The following CMIP variants were observed in gnomAD, a reference collection of about 807,000 sequenced individuals.
The protein encoded by CMIP is c-Maf inducing protein.
A neutral mutation model predicts 97.3 loss-of-function variants in CMIP; 13 were observed. The observed-to-expected ratio is 0.13, with a 90% CI of 0.09 to 0.21. The LOEUF (loss-of-function observed/expected upper bound fraction) is 0.21, where lower values mean the gene tolerates loss of function less well. CMIP is among the 10% of genes least tolerant of loss of function. The pLI is 1.00. For missense variants in CMIP, 847 were observed against 1,024.9 expected (o/e 0.83, Z 2.37); for synonymous variants, 538 against 436.3 (o/e 1.23, Z -2.91).
At chr16:81,525,039 G>T (rs533424066) in intron 1 of CMIP, among the ~76,000 whole-genome samples, 1 of 151,942 alleles carries the variant, frequency 6.6e-6, no homozygotes, top group Non-Finnish European at 1.5e-5. Context: ...CAAGTGATCC[G>T]CCCACCTCGG....
chr16:81,668,618 G>C (rs1365976007), intron 7 of CMIP, among the ~76,000 whole-genome samples: 1 of 152,116 alleles, frequency 6.6e-6, no homozygotes, highest in Non-Finnish European at 1.5e-5. Context: ...CTTTAGTTCC[G>C]GGGGCCTGGT....
Position 81,605,163 on chromosome 16 carries a change from T to C in CMIP, c.301-2404T>C, listed in dbSNP as rs990041709. 2.6e-5 allele frequency among the ~76,000 whole-genome samples: 4 copies of C among 152,236 alleles called. No individual in the cohort carries two copies. In the South Asian group the frequency reaches 8.3e-4, roughly 32 times the overall value. On this transcript the variant is annotated intron_variant, in intron 1 of 20. Coordinates refer to ENST00000537098, the MANE Select transcript of CMIP (RefSeq NM_198390.3). Reference sequence around the variant, plus strand: ...TAGGGCTGAGTCATTTACTGCAGAATAGGGAGAACAGAACAGTGCACGGGA... The same window carrying C: ...TAGGGCTGAGTCATTTACTGCAGAACAGGGAGAACAGAACAGTGCACGGGA...
chr16:81,686,635 C>T (rs905065213), intron 10 of CMIP, among the ~76,000 whole-genome samples: 2 of 152,182 alleles, frequency 1.3e-5, no homozygotes, highest in Admixed American at 1.3e-4. Context: ...CGGAGCCTTT[C>T]CTCAGAAGCT....
At chr16:81,450,699 A>G (rs967995048) in intron 1 of CMIP, among the ~76,000 whole-genome samples, 1 of 152,250 alleles carries the variant, frequency 6.6e-6, no homozygotes, top group African/African-American at 2.4e-5. Context: ...TAGGAAGGCA[A>G]TGAAATTCTT....
chr16:81,476,490 G>A (rs1405079844), intron 1 of CMIP: 43 of 732,290 alleles, frequency 5.9e-5, no homozygotes, highest in African/African-American at 8.6e-5. Flanking sequence ...CGTTGACAGC[G>A]ATGTCAGAGA....
At chr16:81,680,922 G>A (rs1046284040) in intron 10 of CMIP, among the ~76,000 whole-genome samples, 4 of 152,226 alleles carry the variant, frequency 2.6e-5, no homozygotes, top group African/African-American at 9.6e-5. Flanking sequence ...AAGGGTTTGA[G>A]TTTCAGCACG....
intron 1 of CMIP, among the ~76,000 whole-genome samples, chr16:81,481,296 G>C (rs1908246888): frequency 1.3e-5 from 2 of 152,168 alleles, no homozygotes; most frequent in South Asian, 4.1e-4. Flanking sequence ...GCCGGGCCCT[G>C]TCTCTGCATG....
At chr16:81,642,201 A>G (rs981173724) in intron 3 of CMIP, among the ~76,000 whole-genome samples, 1 of 152,194 alleles carries the variant, frequency 6.6e-6, no homozygotes, top group African/African-American at 2.4e-5. Flanking sequence ...AGTAGCCATT[A>G]TGACTGTAAT....
At chr16:81,666,018 A>G (rs2092599215) in intron 7 of CMIP, 1 of 152,232 alleles carries the variant, frequency 6.6e-6, no homozygotes, top group African/African-American at 2.4e-5. Context: ...TCTTGTTTTC[A>G]GAACACAGGG....
intron 1 of CMIP, among the ~76,000 whole-genome samples, chr16:81,556,045 T>C (rs1179401916): frequency 6.6e-6 from 1 of 152,238 alleles, no homozygotes; most frequent in Non-Finnish European, 1.5e-5. Flanking sequence ...CCGTCTTCTC[T>C]GTCTGAAGCC....
At chr16:81,639,462 T>C (rs888234695) in intron 3 of CMIP, among the ~76,000 whole-genome samples, 1 of 152,152 alleles carries the variant, frequency 6.6e-6, no homozygotes, top group Non-Finnish European at 1.5e-5. Context: ...TCTCTAAGAA[T>C]TTGTCTACTC....
chr16:81,702,743 G>T, intron 17 of CMIP, 74 bp downstream of exon 17: 1 of 1,355,052 alleles, frequency 7.4e-7, no homozygotes, highest in Non-Finnish European at 1.0e-6. Context: ...AACGGCAGGT[G>T]GTGTCTGCTG....
chr16:81,471,302 A>G (rs1907524326), intron 1 of CMIP, among the ~76,000 whole-genome samples: 1 of 152,256 alleles, frequency 6.6e-6, no homozygotes, highest in African/African-American at 2.4e-5. Context: ...ATATGCATAT[A>G]AATGTACCCA....
intron 3 of CMIP, chr16:81,651,388 C>T: frequency 1.0e-6 from 1 of 977,350 alleles, no homozygotes; most frequent in Non-Finnish European, 1.2e-6. Context: ...CAGCCCCTGT[C>T]CCAACCGCTC....
At chr16:81,669,114 TCACA>T (rs1420918974) in intron 7 of CMIP, among the ~76,000 whole-genome samples, 1 of 53,844 alleles carries the variant, frequency 1.9e-5, no homozygotes, top group Non-Finnish European at 4.0e-5. Flanking sequence ...CACCCACCTC[TCACA>T]CTCACCTCCT....
intron 1 of CMIP, among the ~76,000 whole-genome samples, chr16:81,590,964 T>C (rs2091458518): frequency 6.6e-6 from 1 of 152,224 alleles, no homozygotes; most frequent in Non-Finnish European, 1.5e-5. Context: ...ACCATGATCA[T>C]TTGTGTATTG....
chr16:81,541,722 A>G (rs1239256194), intron 1 of CMIP, among the ~76,000 whole-genome samples: 3 of 152,224 alleles, frequency 2.0e-5, no homozygotes, highest in South Asian at 4.1e-4. Context: ...AGAGAACTGT[A>G]AAAGAACAGG....
chr16:81,502,548 G>A (rs137976448), intron 1 of CMIP, among the ~76,000 whole-genome samples: 4 of 152,146 alleles, frequency 2.6e-5, no homozygotes, highest in African/African-American at 7.2e-5. Context: ...GGCCTGTCAC[G>A]TGCGCCAGGC....
At chr16:81,493,543 A>G (rs1415368524) in intron 1 of CMIP, among the ~76,000 whole-genome samples, 2 of 152,252 alleles carry the variant, frequency 1.3e-5, no homozygotes, top group Non-Finnish European at 2.9e-5. Flanking sequence ...TGACGATGAC[A>G]AGGGCATCAG....
Sources: allele counts gnomAD v4.1 joint callset (sites outside exome capture counted in the v4.1 genomes callset), GRCh38; gene constraint gnomAD v4.1.1; transcripts MANE v1.5; gene names NCBI Gene and HGNC (gene_info 2026-07-23, HGNC 2026-07-21).